PHC2: variants seen among roughly 807,000 people sequenced by gnomAD.
The protein encoded by PHC2 is polyhomeotic-like protein 2.
PHC2 carries 29 observed loss-of-function variants against 87.4 expected under a neutral mutation model. The ratio of observed to expected loss-of-function variants is 0.33; its 90% CI spans 0.25 to 0.45. The LOEUF (loss-of-function observed/expected upper bound fraction) is 0.45, where lower values mean the gene tolerates loss of function less well. Ranked by LOEUF, PHC2 falls within the 20% of genes least tolerant of loss-of-function variation. The pLI is 1.00. For synonymous variants in PHC2, 438 were observed against 461.7 expected, an observed-to-expected ratio of 0.95 and a Z score of 0.66; for missense variants, 857 against 1,136.7, an observed-to-expected ratio of 0.75 and a Z score of 3.54.
At chr1:33,405,663 T>C (rs1382938504) in intron 1 of PHC2, among the ~76,000 whole-genome samples, 3 of 152,230 alleles carry the variant, frequency 2.0e-5, no homozygotes, top group Non-Finnish European at 4.4e-5. Flanking sequence ...TTTAAAGCCA[T>C]AAATTTTCCT....
At chr1:33,388,652 GTAAA>G (rs1648891039) in intron 1 of PHC2, among the ~76,000 whole-genome samples, 3 of 152,102 alleles carry the variant, frequency 2.0e-5, no homozygotes, top group Admixed American at 2.0e-4. Context: ...ATTGGGAAAA[GTAAA>G]TAAGAAAATG....
intron 1 of PHC2, among the ~76,000 whole-genome samples, chr1:33,406,722 T>C (rs1369190773): frequency 5.3e-5 from 8 of 152,232 alleles, no homozygotes; most frequent in Admixed American, 5.2e-4. Flanking sequence ...CCTTCTGGGA[T>C]ACCCATCTGA....
chr1:33,363,200 G>A (rs1466554530), intron 7 of PHC2: 2 of 152,146 alleles, frequency 1.3e-5, no homozygotes, highest in Non-Finnish European at 2.9e-5. Context: ...ACACAGGCTC[G>A]TACACACAAA....
At chr1:33,359,216 AATG>A (rs1209854174) in intron 7 of PHC2, 13 of 152,212 alleles carry the variant, frequency 8.5e-5, no homozygotes, top group African/African-American at 3.1e-4. Flanking sequence ...TGAATGAATG[AATG>A]ACAGACAACA....
chr1:33,405,207 G>C, intron 1 of PHC2, among the ~76,000 whole-genome samples: 1 of 147,252 alleles, frequency 6.8e-6, no homozygotes, highest in East Asian at 2.0e-4. Flanking sequence ...TTCTTTTTTG[G>C]AGACAGAGTC....
At position 33,375,412 on chromosome 1, in the gene PHC2, G is replaced by A. The variant is rs1648118275; in HGVS notation, c.128C>T (p.Pro43Leu). Reference sequence around the variant, plus strand: ...AATACCACTGTACACAGAAATCTGGGGCCCGGTGGGGCGGCCACTTCCACC... The same window carrying A: ...AATACCACTGTACACAGAAATCTGGAGCCCGGTGGGGCGGCCACTTCCACC... ...SSGGSGRPTG[P>L]QISVYSGIPD... Residue 43 changes from proline (P) to leucine (L), a missense_variant, in exon 2 of 15, where the codon CCC becomes CTC. By Grantham distance (98) the Pro-to-Leu change is moderately conservative. Around this residue, in one of 3 missense-constraint regions of PHC2, gnomAD observed 832 missense variants for 1,081.8 expected, o/e 0.77. Transcript: ENST00000683057. The A allele has an allele frequency of 1.2e-6, 2 of 1,610,568 alleles. No homozygotes were observed. The highest frequency in any genetic ancestry group is 1.7e-6 in the Non-Finnish European group (2 of 1,178,372).
intron 1 of PHC2, among the ~76,000 whole-genome samples, chr1:33,423,300 G>GA (rs1650503964): frequency 1.3e-5 from 2 of 152,188 alleles, no homozygotes; most frequent in African/African-American, 2.4e-5. Flanking sequence ...GGAAGAGAAG[G>GA]AATGGAGACA....
At chr1:33,393,674 G>A (rs1649174910) in intron 1 of PHC2, among the ~76,000 whole-genome samples, 1 of 17,090 alleles carries the variant, frequency 5.9e-5, no homozygotes, top group Non-Finnish European at 1.1e-4. Flanking sequence ...TGCTGTCATT[G>A]TTGTTATTGA....
At chr1:33,428,441 A>G (rs1650771775) in intron 1 of PHC2, among the ~76,000 whole-genome samples, 1 of 152,228 alleles carries the variant, frequency 6.6e-6, no homozygotes, top group Non-Finnish European at 1.5e-5. Flanking sequence ...ATAATTCAAA[A>G]CAGGAAATTT....
At chr1:33,422,091 C>A (rs1246565133) in intron 1 of PHC2, among the ~76,000 whole-genome samples, 2 of 152,160 alleles carry the variant, frequency 1.3e-5, no homozygotes, top group Admixed American at 6.6e-5. Context: ...GAGGTCCCCC[C>A]ATATGTGTTC....
intron 10 of PHC2, chr1:33,333,396 C>T (rs950093896): frequency 1.3e-5 from 2 of 152,450 alleles, no homozygotes; most frequent in African/African-American, 4.8e-5. Flanking sequence ...AGAACAGAGG[C>T]TGGTGTGCCG....
intron 2 of PHC2, among the ~76,000 whole-genome samples, chr1:33,373,440 CCT>C (rs200845741): frequency 6.6e-6 from 1 of 151,690 alleles, no homozygotes; most frequent in Non-Finnish European, 1.5e-5. Context: ...TCTTTCCCTT[CCT>C]CTCTCTCTCC....
chr1:33,423,865 G>A (rs558106594), intron 1 of PHC2, among the ~76,000 whole-genome samples: 15 of 152,172 alleles, frequency 9.9e-5, no homozygotes, highest in East Asian at 1.9e-4. Flanking sequence ...ATGGGAGGCC[G>A]AGGAGGGCAG....
At chr1:33,427,789 A>C (rs1280026317) in intron 1 of PHC2, among the ~76,000 whole-genome samples, 2 of 152,376 alleles carry the variant, frequency 1.3e-5, no homozygotes, top group African/African-American at 4.8e-5. Context: ...TGTCAGGTAC[A>C]CAACAAATGG....
chr1:33,355,789 G>T (rs1647059863), intron 7 of PHC2, among the ~76,000 whole-genome samples: 2 of 152,206 alleles, frequency 1.3e-5, no homozygotes, highest in Admixed American at 1.3e-4. Context: ...ACCAGGGCTG[G>T]ATTACTGGTT....
At chr1:33,413,947 T>C (rs1385595175) in intron 1 of PHC2, among the ~76,000 whole-genome samples, 1 of 152,190 alleles carries the variant, frequency 6.6e-6, no homozygotes, top group Non-Finnish European at 1.5e-5. Context: ...GTTATGGTGC[T>C]ACTGAGGGTA....
At chr1:33,424,547 G>A (rs1035189194) in intron 1 of PHC2, among the ~76,000 whole-genome samples, 1 of 152,166 alleles carries the variant, frequency 6.6e-6, no homozygotes, top group African/African-American at 2.4e-5. Context: ...AAGCTTACAA[G>A]TTAATCATTC....
intron 1 of PHC2, among the ~76,000 whole-genome samples, chr1:33,381,044 G>A (rs572126475): frequency 2.6e-5 from 4 of 152,054 alleles, no homozygotes; most frequent in Non-Finnish European, 5.9e-5. Flanking sequence ...CAACTCCTTA[G>A]ATCTTCAAAA....
At position 33,332,550 on chromosome 1, in the gene PHC2, G is replaced by T; in HGVS notation, c.1762-146C>A. The T allele has an allele frequency of 1.0e-6, 1 of 993,760 alleles. No homozygotes were observed. Among genetic ancestry groups the T allele is most frequent in the Non-Finnish European group, 1.5e-6 (1 of 658,606 alleles). The allele number at this position is 993,760 out of a possible 1,614,324, so 61.6% of individuals were successfully genotyped here. A position where few individuals can be genotyped will look rare whatever the true frequency, so the allele number is the denominator to read the frequency against. On this transcript the variant is annotated intron_variant, in intron 10 of 14. Transcript: ENST00000683057. This position sits in a 1 kb window ranked among gnomAD's most constrained non-coding sequence, Gnocchi z 4.2. ...TTCCCCCATGTCATCATCCAAGTGT[G>T]CTGGGCTCAAGGCCCTATTTTGCTG... is the stretch of plus-strand genomic sequence containing the variant.
Sources: allele counts gnomAD v4.1 joint callset (sites outside exome capture counted in the v4.1 genomes callset), GRCh38; gene constraint gnomAD v4.1.1; regional missense constraint gnomAD v4.1.1; non-coding constraint Gnocchi (gnomAD v3.1); transcripts MANE v1.5; gene names NCBI Gene and HGNC (gene_info 2026-07-23, HGNC 2026-07-21).